The following NPFFR2 variants were observed in gnomAD, a reference collection of about 807,000 sequenced individuals.
NPFFR2 encodes G-protein coupled receptor 74.
Under a neutral mutation model 13.1 loss-of-function variants are expected in NPFFR2, and 15 were observed. The ratio of observed to expected loss-of-function variants is 1.15; its 90% CI spans 0.77 to 1.76. The LOEUF (loss-of-function observed/expected upper bound fraction) is 1.76, where lower values mean the gene tolerates loss of function less well. NPFFR2 is among the 40% of genes most tolerant of loss of function. NPFFR2 has a pLI of 0.00. For missense variants in NPFFR2, 572 were observed against 503.5 expected (o/e 1.14, Z -1.30); for synonymous variants, 190 against 175.7 (o/e 1.08, Z -0.65).
intron 1 of NPFFR2, among the ~76,000 whole-genome samples, chr4:72,088,471 CAT>C (rs1720827456): frequency 6.6e-6 from 1 of 151,944 alleles, no homozygotes; most frequent in Non-Finnish European, 1.5e-5. Flanking sequence ...TATATATAGA[CAT>C]ATGTAGAGAG....
intron 1 of NPFFR2, among the ~76,000 whole-genome samples, chr4:72,055,322 T>C (rs1031760133): frequency 6.6e-6 from 1 of 151,864 alleles, no homozygotes; most frequent in African/African-American, 2.4e-5. Context: ...GTTTGAAATA[T>C]TGCATCTGTG....
rs771231539 is a variant in NPFFR2, at chr4:72,147,681, C to T, written c.1132C>T (p.Gln378Ter). 1 of 1,614,094 alleles carries T rather than the reference C, an allele frequency of 6.2e-7. No homozygotes were observed. Among genetic ancestry groups the T allele is most frequent in the Admixed American group, 1.7e-5 (1 of 59,994 alleles). ...KSHVLINTSN[Q>*]LVQESTFQNP... ...CCATGTGCTCATAAACACATCTAAT[C>T]AGCTTGTCCAGGAATCTACATTTCA... is the stretch of plus-strand genomic sequence containing the variant. The change falls in exon 4 of 4, where the codon CAG (glutamine) becomes TAG (stop). Residue 378 changes from glutamine (Q) to a stop codon, truncating the protein, a stop_gained. Transcript: ENST00000308744. LOFTEE classifies it low-confidence loss of function (END_TRUNC).
chr4:72,147,736 G>A lies in NPFFR2; in HGVS notation c.1187G>A (p.Arg396Lys), dbSNP rs369070481. 4 of 1,606,210 alleles carry A rather than the reference G, an allele frequency of 2.5e-6. No homozygotes were observed. Among genetic ancestry groups the A allele is most frequent in the African/African-American group, 1.3e-5 (1 of 74,182 alleles). ...QNPHGETLLY[R>K]KSAEKPQQEL... ...CCTCATGGGGAAACCTTGCTTTATA[G>A]GAAAAGTGCTGAAAAACCCCAACAG... The change falls in exon 4 of 4, where the codon AGG becomes AAG. Residue 396 changes from arginine (R) to lysine (K), a missense_variant. Coordinates refer to ENST00000308744, the MANE Select transcript of NPFFR2 (RefSeq NM_004885.3).
Position 72,120,002 on chromosome 4 carries a change from C to T in NPFFR2, c.-7-8583C>T, listed in dbSNP as rs181990411. Among the ~76,000 whole-genome samples, 12 of 152,288 alleles carry T rather than the reference C, an allele frequency of 7.9e-5. No individual in the cohort carries two copies. In the East Asian group the frequency reaches 9.7e-4, roughly 12 times the overall value. On this transcript the variant is annotated intron_variant, in intron 1 of 3. Transcript: ENST00000308744. ...GTCTGGCTCAGTGGTCCCACCCCCA[C>T]GGAGCCCAGCAAGCTAAGATCCACT...
chr4:72,099,906 A>G (rs2109808893), intron 1 of NPFFR2, among the ~76,000 whole-genome samples: 1 of 152,222 alleles, frequency 6.6e-6, no homozygotes, highest in South Asian at 2.1e-4. Flanking sequence ...GCCCATTTCC[A>G]CACATATACA....
chr4:72,057,519 A>G (rs766944687), intron 1 of NPFFR2, among the ~76,000 whole-genome samples: 4 of 151,898 alleles, frequency 2.6e-5, no homozygotes, highest in Non-Finnish European at 5.9e-5. Context: ...CTTTGTTGCT[A>G]TGTCTGAATT....
intron 2 of NPFFR2, among the ~76,000 whole-genome samples, chr4:72,135,924 T>C (rs1560422345): frequency 6.6e-6 from 1 of 152,148 alleles, no homozygotes; most frequent in Non-Finnish European, 1.5e-5. Context: ...GTAATAATCA[T>C]ATTAGGGCAT....
Position 72,076,006 on chromosome 4 carries a change from C to CACACACACACACACAG in NPFFR2, c.-8+43807_-8+43808insCACACACACACACAGA, listed in dbSNP as rs746237728. Among the ~76,000 whole-genome samples the CACACACACACACACAG allele has an allele frequency of 4.5e-3, 547 of 122,772 alleles. 2 individuals carry two copies. The highest frequency in any genetic ancestry group is 0.02 in the African/African-American group (524 of 26,194). The allele number at this position is 122,772 out of a possible 152,430, so 80.5% of individuals were successfully genotyped here. A position where few individuals can be genotyped will look rare whatever the true frequency, so the allele number is the denominator to read the frequency against. On this transcript the variant is annotated intron_variant, in intron 1 of 3. Coordinates refer to ENST00000308744, the MANE Select transcript of NPFFR2 (RefSeq NM_004885.3). Reference sequence around the variant, plus strand: ...ACACACACACACACACACACACACACAGAGAGAGAGAGAGGGCAGACAGCA... The same window carrying CACACACACACACACAG: ...ACACACACACACACACACACACACACACACACACACACACAGAGAGAGAGAGAGAGGGCAGACAGCA...
chr4:72,075,240 TG>T (rs1286247938), intron 1 of NPFFR2, among the ~76,000 whole-genome samples: 1 of 152,118 alleles, frequency 6.6e-6, no homozygotes, highest in Non-Finnish European at 1.5e-5. Flanking sequence ...TTCCTGCCAT[TG>T]AACAACGGAC....
At chr4:72,116,595 T>C (rs993053145) in intron 1 of NPFFR2, among the ~76,000 whole-genome samples, 12 of 151,722 alleles carry the variant, frequency 7.9e-5, no homozygotes, top group Admixed American at 7.2e-4. Context: ...AAGAAAAAAA[T>C]AGTACTTTTG....
intron 1 of NPFFR2, among the ~76,000 whole-genome samples, chr4:72,121,483 C>A (rs7679969): frequency 1.3e-5 from 2 of 152,018 alleles, no homozygotes; most frequent in Non-Finnish European, 2.9e-5. Context: ...AGGAAAAAAT[C>A]TTAAGGGCAA....
At chr4:72,052,683 A>G (rs1429881917) in intron 1 of NPFFR2, among the ~76,000 whole-genome samples, 1 of 152,046 alleles carries the variant, frequency 6.6e-6, no homozygotes, top group African/African-American at 2.4e-5. Flanking sequence ...CATTCTGTAG[A>G]GAATCCCTTT....
At chr4:72,103,541 C>T (rs955638523) in intron 1 of NPFFR2, among the ~76,000 whole-genome samples, 58 of 152,060 alleles carry the variant, frequency 3.8e-4, no homozygotes, top group Non-Finnish European at 5.1e-4. Flanking sequence ...GCAGCACAAA[C>T]GAATTAAGCC....
chr4:72,081,707 T>A (rs1013357253), intron 1 of NPFFR2, among the ~76,000 whole-genome samples: 5 of 152,042 alleles, frequency 3.3e-5, no homozygotes, highest in Non-Finnish European at 7.4e-5. Context: ...CCTAAGCTTG[T>A]CTTGAGCCTC....
At chr4:72,106,074 A>G (rs1367738859) in intron 1 of NPFFR2, among the ~76,000 whole-genome samples, 2 of 152,072 alleles carry the variant, frequency 1.3e-5, no homozygotes, top group East Asian at 3.9e-4. Flanking sequence ...AGTCCTACAC[A>G]CTTGTAAGAT....
chr4:72,073,018 A>T (rs995764769), intron 1 of NPFFR2, among the ~76,000 whole-genome samples: 1 of 152,038 alleles, frequency 6.6e-6, no homozygotes. Context: ...AAAGGTAGAG[A>T]TCAGCAAAAT....
rs187734378 is a variant in NPFFR2 at position 72,062,133 on chromosome 4, T to C, written c.-8+29933T>C. On this transcript the variant is annotated intron_variant, in intron 1 of 3. Transcript: ENST00000308744. ...CACGGGAACCATAACTATTTAACTATTTTAGGTTTACGTTATGTTTGAGGC... is the reference window on the plus strand; with the variant it reads ...CACGGGAACCATAACTATTTAACTACTTTAGGTTTACGTTATGTTTGAGGC... Among the ~76,000 whole-genome samples the C allele has an allele frequency of 3.9e-3, 587 of 152,192 alleles. 3 individuals are homozygous for C. The highest frequency in any genetic ancestry group is 0.014 in the African/African-American group (564 of 41,538).
At chr4:72,103,407 G>A (rs1012753241) in intron 1 of NPFFR2, among the ~76,000 whole-genome samples, 2 of 152,122 alleles carry the variant, frequency 1.3e-5, no homozygotes, top group African/African-American at 4.8e-5. Context: ...GCCTTGTGAT[G>A]ACACGGGAAG....
At chr4:72,072,805 G>A (rs572935567) in intron 1 of NPFFR2, among the ~76,000 whole-genome samples, 5 of 152,174 alleles carry the variant, frequency 3.3e-5, no homozygotes, top group African/African-American at 9.6e-5. Flanking sequence ...AACAGATAAT[G>A]TTGAAAGTAG....
Sources: gnomAD v4.1 joint callset for allele counts (sites outside exome capture counted in the v4.1 genomes callset) on GRCh38, gnomAD v4.1.1 for gene constraint, MANE v1.5 for transcripts, NCBI Gene and HGNC (gene_info 2026-07-23, HGNC 2026-07-21) for gene names.